The following CLRN1 variants were observed in gnomAD, a reference collection of about 807,000 sequenced individuals.
CLRN1 encodes clarin-1.
In CLRN1, 15 loss-of-function variants were observed where a neutral mutation model predicts 18.7. The observed-to-expected ratio is 0.80, with a 90% CI of 0.54 to 1.23. CLRN1 has a LOEUF of 1.23. Among genes scored for constraint, CLRN1 ranks in the 50% most tolerant of loss-of-function variants. CLRN1 has a pLI of 0.00. For missense variants in CLRN1, 311 were observed against 277.5 expected (o/e 1.12, Z -0.86); for synonymous variants, 104 against 102.9 (o/e 1.01, Z -0.07).
At chr3:150,931,406 A>G (rs527466295) in intron 2 of CLRN1, among the ~76,000 whole-genome samples, 137 of 152,248 alleles carry the variant, frequency 9.0e-4, no homozygotes, top group Non-Finnish European at 1.7e-3. Flanking sequence ...GTTCCTTCCC[A>G]CAGCATGAGG....
At chr3:150,962,743 A>G (rs1715095622) in intron 1 of CLRN1, among the ~76,000 whole-genome samples, 1 of 152,244 alleles carries the variant, frequency 6.6e-6, no homozygotes, top group South Asian at 2.1e-4. Flanking sequence ...GTGATCAGAT[A>G]TCTCTGCCTT....
chr3:150,950,447 A>G (rs1306604410), intron 1 of CLRN1, among the ~76,000 whole-genome samples: 1 of 152,186 alleles, frequency 6.6e-6, no homozygotes, highest in Non-Finnish European at 1.5e-5. Flanking sequence ...ATCTATGAGG[A>G]ACTTAAATTT....
chr3:150,956,454 C>T (rs75186372), intron 1 of CLRN1, among the ~76,000 whole-genome samples: 6,581 of 152,156 alleles, frequency 0.043, 285 homozygotes, highest in East Asian at 0.18. Flanking sequence ...AGAAACTAGT[C>T]ACTGGGTTCT....
chr3:150,930,238 A>T (rs10470332), intron 2 of CLRN1, among the ~76,000 whole-genome samples: 90,351 of 151,902 alleles, frequency 0.59, 28,694 homozygotes, highest in Non-Finnish European at 0.7. Flanking sequence ...AGCTGAGCAG[A>T]GGGAGGCTGG....
intron 2 of CLRN1, chr3:150,940,370 A>G (rs959111865): frequency 2.2e-6 from 2 of 914,188 alleles, no homozygotes; most frequent in Non-Finnish European, 3.1e-6. Context: ...ACTGCAAGTG[A>G]CCTCCTGTTA....
At chr3:150,943,815 C>T (rs185457278) in intron 1 of CLRN1, 2 of 1,614,140 alleles carry the variant, frequency 1.2e-6, no homozygotes, top group Non-Finnish European at 1.7e-6. Context: ...TGCAGGCACC[C>T]CTACCTGGTT....
intron 1 of CLRN1, among the ~76,000 whole-genome samples, chr3:150,959,061 T>C (rs548818509): frequency 6.6e-6 from 1 of 152,340 alleles, no homozygotes; most frequent in Non-Finnish European, 1.5e-5. Context: ...AAGTTCAAAC[T>C]TACTTGTTAT....
intron 1 of CLRN1, among the ~76,000 whole-genome samples, chr3:150,947,749 C>G (rs1824063): frequency 6.6e-6 from 1 of 152,092 alleles, no homozygotes; most frequent in Non-Finnish European, 1.5e-5. Flanking sequence ...CTAAGAAAAT[C>G]GCTCAAAACC....
chr3:150,965,499 T>C (rs1222511115), intron 1 of CLRN1, among the ~76,000 whole-genome samples: 1 of 152,212 alleles, frequency 6.6e-6, no homozygotes, highest in African/African-American at 2.4e-5. Context: ...CAAAGTCTAA[T>C]CTTTTGCCAG....
Position 150,972,654 on chromosome 3 carries a change from C to A in CLRN1, c.55G>T (p.Ala19Ser). The A allele has an allele frequency of 6.2e-7, 1 of 1,614,192 alleles. No homozygotes were observed. ...GCTGTCACAACTCCGAGGGCACATGCAAAACTGAACACTCCGGCCATGCAA... is the reference window on the plus strand; with the variant it reads ...GCTGTCACAACTCCGAGGGCACATGAAAAACTGAACACTCCGGCCATGCAA... ...IFCMAGVFSF[A>S]CALGVVTALG... is the part of the protein sequence containing the mutation. The change falls in exon 1 of 3, where the codon GCA becomes TCA. Residue 19 changes from alanine (A) to serine (S), a missense_variant. Ala to Ser is a moderately conservative substitution (Grantham distance 99). Transcript: ENST00000327047.
chr3:150,971,716 A>G (rs1715547427), intron 1 of CLRN1, among the ~76,000 whole-genome samples: 1 of 152,204 alleles, frequency 6.6e-6, no homozygotes, highest in African/African-American at 2.4e-5. Flanking sequence ...ATTTTCATTT[A>G]ATGAGTTGCC....
At chr3:150,969,186 G>A (rs1317584242) in intron 1 of CLRN1, among the ~76,000 whole-genome samples, 3 of 147,576 alleles carry the variant, frequency 2.0e-5, no homozygotes, top group Non-Finnish European at 3.0e-5. Flanking sequence ...TGGATATCTT[G>A]GGTTTAAAAA....
intron 1 of CLRN1, among the ~76,000 whole-genome samples, chr3:150,947,481 C>T (rs1242956059): frequency 6.6e-6 from 1 of 152,118 alleles, no homozygotes; most frequent in Non-Finnish European, 1.5e-5. Flanking sequence ...GCTTTACTGA[C>T]AGTATTAGAT....
intron 1 of CLRN1, among the ~76,000 whole-genome samples, chr3:150,964,683 A>G (rs1715181737): frequency 6.6e-6 from 1 of 152,246 alleles, no homozygotes; most frequent in Non-Finnish European, 1.5e-5. Context: ...AGACTAGATT[A>G]AGAAAATGTG....
chr3:150,966,194 G>C (rs565625298), intron 1 of CLRN1, among the ~76,000 whole-genome samples: 13 of 152,276 alleles, frequency 8.5e-5, no homozygotes, highest in Middle Eastern at 3.4e-3. Context: ...CATGCCTGTG[G>C]TCCCTTCTAC....
chr3:150,949,360 A>T (rs1034025723), intron 1 of CLRN1, among the ~76,000 whole-genome samples: 2 of 152,142 alleles, frequency 1.3e-5, no homozygotes, highest in East Asian at 3.9e-4. Flanking sequence ...CTGGCCAGGG[A>T]AATCAGGCAA....
At chr3:150,940,596 A>G (rs1163876427) in intron 2 of CLRN1, 1 of 1,364,876 alleles carries the variant, frequency 7.3e-7, no homozygotes, top group Non-Finnish European at 1.0e-6. Context: ...ATCGTTCTGT[A>G]TCCCTCCATG....
At chr3:150,940,637 G>T in intron 2 of CLRN1, 1 of 968,630 alleles carries the variant, frequency 1.0e-6, no homozygotes, top group Non-Finnish European at 1.5e-6. Context: ...TGCCTCCCAG[G>T]AATCTGACAA....
intron 2 of CLRN1, among the ~76,000 whole-genome samples, chr3:150,936,054 C>A (rs1290194183): frequency 5.3e-5 from 8 of 151,950 alleles, no homozygotes. Context: ...AGCCCTTTGT[C>A]AGATGAGTAG....
Sources: allele counts gnomAD v4.1 joint callset (sites outside exome capture counted in the v4.1 genomes callset), GRCh38; gene constraint gnomAD v4.1.1; transcripts MANE v1.5; gene names NCBI Gene and HGNC (gene_info 2026-07-23, HGNC 2026-07-21).